NPAS3: variants seen among roughly 807,000 people sequenced by gnomAD.
The protein encoded by NPAS3 is neuronal PAS domain-containing protein 3.
A neutral mutation model predicts 73.1 loss-of-function variants in NPAS3; 14 were observed. The ratio of observed to expected loss-of-function variants is 0.19; its 90% CI spans 0.13 to 0.30. NPAS3 has a LOEUF of 0.30. Ranked by LOEUF, NPAS3 falls within the 10% of genes least tolerant of loss-of-function variation. NPAS3 has a pLI of 1.00. For synonymous variants in NPAS3, 620 were observed against 541.5 expected (o/e 1.14, Z -2.01); for missense variants, 1,096 against 1,250.0 (o/e 0.88, Z 1.86).
At chr14:33,154,565 C>T (rs1020132115) in intron 2 of NPAS3, among the ~76,000 whole-genome samples, 42 of 152,128 alleles carry the variant, frequency 2.8e-4, no homozygotes, top group African/African-American at 8.9e-4. Flanking sequence ...ATTCACTGAT[C>T]GTGAAGCCTT....
At chr14:33,736,017 A>G (rs555898741) in intron 7 of NPAS3, among the ~76,000 whole-genome samples, 1 of 152,216 alleles carries the variant, frequency 6.6e-6, no homozygotes, top group African/African-American at 2.4e-5. Context: ...ATTAAGACCT[A>G]TGAAATTCAT....
At chr14:33,096,341 A>G (rs1389119875) in intron 2 of NPAS3, among the ~76,000 whole-genome samples, 6 of 152,146 alleles carry the variant, frequency 3.9e-5, no homozygotes, top group African/African-American at 1.2e-4. Flanking sequence ...CTTAGTTCTT[A>G]GGTGTATTTC....
intron 3 of NPAS3, among the ~76,000 whole-genome samples, chr14:33,274,787 C>A (rs532354975): frequency 2.0e-5 from 3 of 152,296 alleles, no homozygotes; most frequent in African/African-American, 7.2e-5. Context: ...CTGCTTTTCA[C>A]ACCTAAGCTT....
intron 6 of NPAS3, among the ~76,000 whole-genome samples, chr14:33,731,022 A>T (rs1286563622): frequency 2.6e-5 from 4 of 152,164 alleles, no homozygotes; most frequent in Non-Finnish European, 4.4e-5. Flanking sequence ...CTTACTTTTG[A>T]GGAGTAACAT....
intron 5 of NPAS3, among the ~76,000 whole-genome samples, chr14:33,587,816 A>G (rs1312787039): frequency 6.6e-6 from 1 of 152,244 alleles, no homozygotes; most frequent in Non-Finnish European, 1.5e-5. Flanking sequence ...ATAAATTATC[A>G]TATAAAAGTC....
chr14:33,643,328 C>A (rs1456996504), intron 5 of NPAS3, among the ~76,000 whole-genome samples: 1 of 145,658 alleles, frequency 6.9e-6, no homozygotes, highest in African/African-American at 2.6e-5. Context: ...CTGTAAAACA[C>A]CAACACCCCA....
intron 6 of NPAS3, among the ~76,000 whole-genome samples, chr14:33,723,170 A>G (rs536484431): frequency 6.6e-6 from 1 of 152,292 alleles, no homozygotes; most frequent in Admixed American, 6.5e-5. Context: ...AGTACCTTCC[A>G]GTGACAAAGC....
intron 2 of NPAS3, among the ~76,000 whole-genome samples, chr14:33,098,871 G>C (rs1298129781): frequency 6.6e-6 from 1 of 152,156 alleles, no homozygotes; most frequent in Admixed American, 6.5e-5. Context: ...CTGAAGTTTT[G>C]ATTCATTCTT....
intron 3 of NPAS3, among the ~76,000 whole-genome samples, chr14:33,354,842 TCTTA>T (rs1250608794): frequency 9.2e-5 from 14 of 152,132 alleles, no homozygotes; most frequent in African/African-American, 3.1e-4. Context: ...CTCTCTACGG[TCTTA>T]CTTAGTTACT....
chr14:33,115,461 G>A (rs1331483469), intron 2 of NPAS3, among the ~76,000 whole-genome samples: 1 of 152,104 alleles, frequency 6.6e-6, no homozygotes, highest in Non-Finnish European at 1.5e-5. Context: ...TATAATGCTG[G>A]TGTCATAAGA....
chr14:33,436,417 G>A (rs2048993919), intron 4 of NPAS3, among the ~76,000 whole-genome samples: 1 of 152,082 alleles, frequency 6.6e-6, no homozygotes, highest in African/African-American at 2.4e-5. Flanking sequence ...TTAATATTTT[G>A]GACATATTAA....
At chr14:33,779,984 G>A (rs1008277059) in intron 9 of NPAS3, among the ~76,000 whole-genome samples, 4 of 152,136 alleles carry the variant, frequency 2.6e-5, no homozygotes, top group Non-Finnish European at 5.9e-5. Flanking sequence ...CCTGCCCTTT[G>A]CAATTATTTC....
chr14:33,563,080 A>T (rs56187455), intron 5 of NPAS3, among the ~76,000 whole-genome samples: 2,086 of 152,268 alleles, frequency 0.014, 31 homozygotes, highest in Non-Finnish European at 0.023. Flanking sequence ...TAACTCTGTC[A>T]TCAAAGACTT....
chr14:33,317,697 C>A (rs555026878), intron 3 of NPAS3, among the ~76,000 whole-genome samples: 4 of 151,974 alleles, frequency 2.6e-5, no homozygotes, highest in Non-Finnish European at 4.4e-5. Context: ...GCTTCCCCTT[C>A]GGCCATGATT....
At chr14:33,639,144 G>A (rs1302024485) in intron 5 of NPAS3, among the ~76,000 whole-genome samples, 1 of 152,080 alleles carries the variant, frequency 6.6e-6, no homozygotes. Flanking sequence ...TGAAATGTTG[G>A]TAACTATTAA....
intron 4 of NPAS3, among the ~76,000 whole-genome samples, chr14:33,455,437 C>G (rs1295719372): frequency 6.6e-6 from 1 of 152,174 alleles, no homozygotes; most frequent in African/African-American, 2.4e-5. Context: ...CATGTGAGAA[C>G]AGAGAGTGGA....
At chr14:33,056,119 AAC>A (rs1491292384) in intron 2 of NPAS3, 125 bp downstream of exon 2, 1 of 543,522 alleles carries the variant, frequency 1.8e-6, no homozygotes, top group African/African-American at 1.9e-5. Context: ...GAGAAAAAAA[AAC>A]AAAAAAACAA....
chr14:33,256,105 T>G (rs2048771034), intron 3 of NPAS3, among the ~76,000 whole-genome samples: 1 of 152,186 alleles, frequency 6.6e-6, no homozygotes, highest in African/African-American at 2.4e-5. Flanking sequence ...CTAAGTAACA[T>G]ACAGCATTTG....
At chr14:33,174,209 G>C (rs904032730) in intron 2 of NPAS3, among the ~76,000 whole-genome samples, 4 of 152,124 alleles carry the variant, frequency 2.6e-5, no homozygotes, top group Admixed American at 2.6e-4. Flanking sequence ...ATGCCGTTTA[G>C]CCATCTATGA....
Sources: allele counts gnomAD v4.1 joint callset (sites outside exome capture counted in the v4.1 genomes callset), GRCh38; gene constraint gnomAD v4.1.1; transcripts MANE v1.5; gene names NCBI Gene and HGNC (gene_info 2026-07-23, HGNC 2026-07-21).